SKIC3: variants seen among roughly 807,000 people sequenced by gnomAD.
SKIC3 encodes the protein SKI3 subunit of superkiller complex, also known as superkiller complex protein 3.
At chr5:95,510,359 C>T in the SKIC3 span, among the ~76,000 whole-genome samples, 171 of 152,306 alleles carry the variant, frequency 1.1e-3, no homozygotes, top group African/African-American at 4.0e-3. Context: ...TGACAACAGC[C>T]CTTTCCCAAA....
At chr5:95,490,913 G>A in the SKIC3 span, 1 of 1,614,060 alleles carries the variant, frequency 6.2e-7, no homozygotes. Flanking sequence ...CTTACTTGAA[G>A]CAGAAACAGC....
the SKIC3 span, chr5:95,541,377 AACAC>A: frequency 6.2e-7 from 1 of 1,613,572 alleles, no homozygotes; most frequent in Non-Finnish European, 8.5e-7. Flanking sequence ...TCTGCTTGTC[AACAC>A]TTAGAACAAA....
chr5:95,512,000 G>A, the SKIC3 span, among the ~76,000 whole-genome samples: 1 of 152,176 alleles, frequency 6.6e-6, no homozygotes, highest in Non-Finnish European at 1.5e-5. Flanking sequence ...GAAAAATCAG[G>A]TGTTAAGTGG....
At chr5:95,537,898 T>C in the SKIC3 span, among the ~76,000 whole-genome samples, 19 of 152,296 alleles carry the variant, frequency 1.2e-4, no homozygotes, top group Admixed American at 6.5e-4. Context: ...ATAAAGTCTA[T>C]GTAAATAAGT....
At chr5:95,528,693 T>C in the SKIC3 span, 2 of 357,282 alleles carry the variant, frequency 5.6e-6, no homozygotes, top group Middle Eastern at 9.1e-4. Flanking sequence ...TAAGAACTCA[T>C]GTGTCTTGGA....
chr5:95,528,824 AAC>A, the SKIC3 span: 3 of 616,756 alleles, frequency 4.9e-6, no homozygotes, highest in African/African-American at 5.6e-5. Context: ...TTTAAAAATA[AAC>A]ACACTAGTAC....
At chr5:95,526,996 T>C in the SKIC3 span, among the ~76,000 whole-genome samples, 7 of 152,310 alleles carry the variant, frequency 4.6e-5, no homozygotes, top group African/African-American at 1.4e-4. Context: ...CCCCCAAACA[T>C]TTGTTTTCTT....
the SKIC3 span, chr5:95,498,389 T>C: frequency 2.5e-6 from 4 of 1,614,096 alleles, no homozygotes; most frequent in Middle Eastern, 1.6e-4. Flanking sequence ...GCTTTAGATA[T>C]TTGTTTTTGC....
At chr5:95,470,044 T>A in the SKIC3 span, 5 of 1,025,296 alleles carry the variant, frequency 4.9e-6, no homozygotes, top group Non-Finnish European at 6.7e-6. Context: ...TGGCGCGATC[T>A]CGGCTCACTT....
At chr5:95,506,282 TGTAG>T in the SKIC3 span, among the ~76,000 whole-genome samples, 1 of 152,204 alleles carries the variant, frequency 6.6e-6, no homozygotes, top group East Asian at 1.9e-4. Context: ...CCTTAAAAGA[TGTAG>T]CACTAATCCT....
the SKIC3 span, chr5:95,484,936 CT>C: frequency 7.4e-7 from 1 of 1,359,824 alleles, no homozygotes; most frequent in African/African-American, 1.4e-5. Context: ...TACCGTTGGG[CT>C]TATCATCCAT....
the SKIC3 span, chr5:95,541,744 A>T: frequency 8.8e-7 from 1 of 1,133,328 alleles, no homozygotes; most frequent in Non-Finnish European, 1.3e-6. Context: ...GAATACTTCT[A>T]CATGATTTTT....
chr5:95,469,511 C>T, the SKIC3 span, among the ~76,000 whole-genome samples: 1 of 152,170 alleles, frequency 6.6e-6, no homozygotes, highest in Non-Finnish European at 1.5e-5. Flanking sequence ...CCAAGACCTT[C>T]TTCACTGGAA....
the SKIC3 span, among the ~76,000 whole-genome samples, chr5:95,543,759 G>A: frequency 6.6e-6 from 1 of 152,036 alleles, no homozygotes; most frequent in African/African-American, 2.4e-5. Context: ...TAGACACATG[G>A]ATTTTTCTCA....
At chr5:95,513,364 T>C in the SKIC3 span, 1 of 534,378 alleles carries the variant, frequency 1.9e-6, no homozygotes, top group Non-Finnish European at 3.3e-6. Flanking sequence ...CCATCATACC[T>C]GGCTAATTTT....
chr5:95,551,798 C>T, the SKIC3 span, among the ~76,000 whole-genome samples: 1 of 152,200 alleles, frequency 6.6e-6, no homozygotes, highest in Admixed American at 6.5e-5. Context: ...CTTCATTACT[C>T]AAAGCCCATT....
chr5:95,537,590 GA>G, the SKIC3 span, among the ~76,000 whole-genome samples: 1,862 of 152,284 alleles, frequency 0.012, 38 homozygotes, highest in African/African-American at 0.042. Context: ...TTTGGTAAAA[GA>G]AAAGCAGAGA....
the SKIC3 span, among the ~76,000 whole-genome samples, chr5:95,535,531 C>T: frequency 6.6e-6 from 1 of 151,044 alleles, no homozygotes; most frequent in Non-Finnish European, 1.5e-5. Flanking sequence ...AGGATGGTCT[C>T]GATCTCCTGA....
the SKIC3 span, chr5:95,541,238 T>C: frequency 2.0e-6 from 3 of 1,472,686 alleles, no homozygotes; most frequent in African/African-American, 2.8e-5. Context: ...AGTGCTGGGA[T>C]TACAGGTGTG....
Sources: gnomAD v4.1 joint callset for allele counts (sites outside exome capture counted in the v4.1 genomes callset) on GRCh38, gnomAD v4.1.1 for gene constraint, MANE v1.5 for transcripts, NCBI Gene and HGNC (gene_info 2026-07-23, HGNC 2026-07-21) for gene names.